Variants in TEX11 observed in about 807,000 individuals in gnomAD.
TEX11 encodes testis expressed 11.
A neutral mutation model predicts 84.4 loss-of-function variants in TEX11; 7 were observed. That is an observed-to-expected ratio of 0.08 (90% confidence interval 0.05 to 0.16). TEX11 has a LOEUF of 0.16. Among genes scored for constraint, TEX11 ranks in the 10% least tolerant of loss-of-function variants. The pLI, the probability that TEX11 is intolerant of heterozygous loss-of-function variation, is 1.00. For synonymous variants in TEX11, 264 were observed against 222.8 expected (o/e 1.18, Z -1.64); for missense variants, 551 against 660.5 (o/e 0.83, Z 1.82).
intron 16 of TEX11, among the ~76,000 whole-genome samples, chrX:70,654,942 A>G (rs913824808): frequency 9.1e-6 from 1 of 109,870 alleles, no homozygotes; most frequent in African/African-American, 3.3e-5. Flanking sequence ...GAGAAGATCT[A>G]TCTGGAAAAT....
chrX:70,819,420 A>G (rs1216542247), intron 8 of TEX11, among the ~76,000 whole-genome samples: 1 of 111,739 alleles, frequency 8.9e-6, no homozygotes, highest in Middle Eastern at 4.2e-3. Flanking sequence ...CAAAATAGGT[A>G]TACGAGGAAC....
At chrX:70,694,016 C>T (rs190714579) in intron 13 of TEX11, among the ~76,000 whole-genome samples, 172 of 111,285 alleles carry the variant, frequency 1.5e-3, no homozygotes, top group Non-Finnish European at 2.8e-3. Flanking sequence ...TTAAAAAAAA[C>T]CCCAAATATT....
At chrX:70,657,447 T>TA (rs199808430) in intron 16 of TEX11, among the ~76,000 whole-genome samples, 24 of 88,190 alleles carry the variant, frequency 2.7e-4, no homozygotes, top group African/African-American at 8.1e-4. Flanking sequence ...TAAAAAGTTG[T>TA]AAAAAATTAA....
At chrX:70,640,572 C>T (rs1174123750) in intron 17 of TEX11, among the ~76,000 whole-genome samples, 11 of 110,686 alleles carry the variant, frequency 9.9e-5, no homozygotes, top group African/African-American at 2.0e-4. Flanking sequence ...GCGGATCTCT[C>T]GGCAGAAACC....
intron 16 of TEX11, among the ~76,000 whole-genome samples, chrX:70,668,005 A>G (rs959136335): frequency 8.9e-6 from 1 of 111,808 alleles, no homozygotes; most frequent in Non-Finnish European, 1.9e-5. Flanking sequence ...AGGTCCCCAG[A>G]CAAAGTTACT....
chrX:70,690,780 AAC>A (rs1464239470), intron 13 of TEX11, among the ~76,000 whole-genome samples: 1 of 111,760 alleles, frequency 8.9e-6, no homozygotes, highest in Non-Finnish European at 1.9e-5. Context: ...CTTAAGCTGT[AAC>A]ACATCAATAA....
At chrX:70,595,539 C>G (rs2088995045) in intron 24 of TEX11, among the ~76,000 whole-genome samples, 1 of 111,328 alleles carries the variant, frequency 9.0e-6, no homozygotes, top group Non-Finnish European at 1.9e-5. Flanking sequence ...ATTTCTATAT[C>G]TCACTGAAAT....
chrX:70,587,465 G>C (rs1246387901), intron 25 of TEX11, among the ~76,000 whole-genome samples: 1 of 112,821 alleles, frequency 8.9e-6, no homozygotes, highest in Non-Finnish European at 1.9e-5. Flanking sequence ...TTGCTTCAAA[G>C]GGTGCAAGCC....
At chrX:70,595,806 G>A (rs1375386649) in intron 24 of TEX11, among the ~76,000 whole-genome samples, 1 of 111,455 alleles carries the variant, frequency 9.0e-6, no homozygotes, top group African/African-American at 3.3e-5. Flanking sequence ...CATTAAATGT[G>A]AGTGCATTAA....
intron 24 of TEX11, among the ~76,000 whole-genome samples, chrX:70,601,065 T>C (rs376352518): frequency 3.9e-5 from 1 of 25,371 alleles, no homozygotes; most frequent in Admixed American, 6.8e-4. Flanking sequence ...TTCAAAAAAT[T>C]AATGAATCCA....
chrX:70,901,740 CGT>C (rs1261508784), intron 2 of TEX11, among the ~76,000 whole-genome samples: 1 of 111,416 alleles, frequency 9.0e-6, no homozygotes, highest in Non-Finnish European at 1.9e-5. Context: ...GGTAATGGTC[CGT>C]GGCCCAGGGG....
At chrX:70,530,657 C>T (rs989360763) in intron 28 of TEX11, among the ~76,000 whole-genome samples, 1 of 112,014 alleles carries the variant, frequency 8.9e-6, no homozygotes, top group African/African-American at 3.2e-5. Flanking sequence ...CATGTTAAAG[C>T]CCCAGAAGGG....
chrX:70,661,423 T>C (rs2089925824), intron 16 of TEX11, among the ~76,000 whole-genome samples: 1 of 112,669 alleles, frequency 8.9e-6, no homozygotes, highest in Non-Finnish European at 1.9e-5. Flanking sequence ...GAGGCCTGCC[T>C]GCCTCTGTAG....
chrX:70,785,571 T>A (rs183889542), intron 9 of TEX11, among the ~76,000 whole-genome samples: 66 of 112,179 alleles, frequency 5.9e-4, no homozygotes, highest in African/African-American at 2.0e-3. Context: ...CCTACTCATC[T>A]GACAAAGGGC....
Position 70,676,217 on chromosome X carries a change from T to C in TEX11, c.1242+2587A>G, listed in dbSNP as rs2090070789. Among the ~76,000 whole-genome samples, 3 of 112,459 alleles carry C rather than the reference T, an allele frequency of 2.7e-5. No homozygotes were observed. In the Admixed American group the frequency reaches 2.8e-4, roughly 11 times the overall value. The stretch of plus-strand genomic sequence containing the variant: ...GTGCAAATATCTTGCTTTTAATTCT[T>C]TTGGATATACAAGCAAAAGTGAAAA... On this transcript the variant is annotated intron_variant, in intron 15 of 29. Transcript: ENST00000374333.
intron 16 of TEX11, among the ~76,000 whole-genome samples, chrX:70,663,942 C>A (rs767428799): frequency 8.9e-6 from 1 of 111,759 alleles, no homozygotes; most frequent in South Asian, 3.8e-4. Flanking sequence ...CTACACACAT[C>A]CTTTTGTATA....
intron 11 of TEX11, among the ~76,000 whole-genome samples, chrX:70,728,341 A>G (rs2090615570): frequency 8.9e-6 from 1 of 112,929 alleles, no homozygotes; most frequent in African/African-American, 3.2e-5. Flanking sequence ...CAGTGCACTG[A>G]GCCTGAGCCG....
intron 17 of TEX11, among the ~76,000 whole-genome samples, chrX:70,645,631 C>T (rs1004109278): frequency 9.0e-6 from 1 of 111,646 alleles, no homozygotes; most frequent in African/African-American, 3.2e-5. Context: ...AGCATTTCTA[C>T]ATACTAACAA....
intron 10 of TEX11, 79 bp from the exon 11 acceptor site, chrX:70,740,875 G>A: frequency 1.7e-6 from 1 of 573,310 alleles, no homozygotes; most frequent in South Asian, 4.0e-5. Context: ...CACTCCCACA[G>A]TGACAGGCAT....
Sources: gnomAD v4.1 joint callset for allele counts (sites outside exome capture counted in the v4.1 genomes callset) on GRCh38, gnomAD v4.1.1 for gene constraint, MANE v1.5 for transcripts, NCBI Gene and HGNC (gene_info 2026-07-23, HGNC 2026-07-21) for gene names.